Variants in GPHN observed in about 807,000 individuals in gnomAD.
GPHN encodes gephyrin.
Under a neutral mutation model 95.5 loss-of-function variants are expected in GPHN, and 17 were observed. The observed-to-expected ratio is 0.18, with a 90% CI of 0.12 to 0.27. The LOEUF (loss-of-function observed/expected upper bound fraction) is 0.27. Ranked by LOEUF, GPHN falls within the 10% of genes least tolerant of loss-of-function variation. The probability of loss-of-function intolerance (pLI) is 1.00; values close to 1 mark genes in which losing one functional copy is unlikely to be tolerated. For missense variants in GPHN, 660 were observed against 978.1 expected (o/e 0.67, Z 4.34); for synonymous variants, 320 against 322.5 (o/e 0.99, Z 0.08).
chr14:67,563,263 T>C, the GPHN span, among the ~76,000 whole-genome samples: 1 of 152,242 alleles, frequency 6.6e-6, no homozygotes, highest in African/African-American at 2.4e-5. Context: ...TACGTGACCT[T>C]GGACATGTTA....
At chr14:67,071,856 C>T (rs1019163697) in intron 11 of GPHN, among the ~76,000 whole-genome samples, 2 of 151,902 alleles carry the variant, frequency 1.3e-5, no homozygotes, top group Admixed American at 1.3e-4. Flanking sequence ...AAGCACATTA[C>T]AAATATATCT....
At chr14:66,885,117 T>C (rs2064123548) in intron 5 of GPHN, among the ~76,000 whole-genome samples, 2 of 152,112 alleles carry the variant, frequency 1.3e-5, no homozygotes, top group Admixed American at 6.6e-5. Flanking sequence ...ATTTAGATAA[T>C]ATTAAAGTAA....
chr14:67,403,278 G>A, the GPHN span, among the ~76,000 whole-genome samples: 1 of 152,144 alleles, frequency 6.6e-6, no homozygotes, highest in African/African-American at 2.4e-5. Context: ...ATGTTTGGTG[G>A]TAGTCAAACA....
chr14:66,556,956 T>A (rs1421662008), intron 1 of GPHN, among the ~76,000 whole-genome samples: 1 of 152,022 alleles, frequency 6.6e-6, no homozygotes, highest in African/African-American at 2.4e-5. Flanking sequence ...TTCCTGAACT[T>A]TGGGAGCCAA....
At chr14:66,890,736 A>G (rs1319737025) in intron 5 of GPHN, among the ~76,000 whole-genome samples, 1 of 152,146 alleles carries the variant, frequency 6.6e-6, no homozygotes, top group African/African-American at 2.4e-5. Context: ...AGGTGACCCT[A>G]GAATACAAGG....
the GPHN span, among the ~76,000 whole-genome samples, chr14:67,673,177 T>C: frequency 9.3e-4 from 141 of 152,252 alleles, 1 homozygote; most frequent in African/African-American, 1.9e-3. Context: ...ACCCTGTCTC[T>C]ACTAAAAATA....
chr14:67,573,194 A>G, the GPHN span: 16 of 824,502 alleles, frequency 1.9e-5, no homozygotes, highest in African/African-American at 2.3e-4. The surrounding 1 kb of genome is among the most constrained non-coding windows in gnomAD (Gnocchi z 4.8). Flanking sequence ...GTAGTGAGGC[A>G]GCTGGACCAC....
intron 10 of GPHN, among the ~76,000 whole-genome samples, chr14:67,046,497 A>G (rs1206495233): frequency 1.3e-5 from 2 of 152,172 alleles, no homozygotes; most frequent in South Asian, 2.1e-4. Context: ...GGTTTTATAT[A>G]CTATTCTAAG....
chr14:66,823,517 C>A (rs2061281257), intron 3 of GPHN, among the ~76,000 whole-genome samples: 1 of 152,094 alleles, frequency 6.6e-6, no homozygotes, highest in Non-Finnish European at 1.5e-5. Context: ...TTTAGATGGG[C>A]TCTCAGTTAT....
intron 10 of GPHN, among the ~76,000 whole-genome samples, chr14:67,027,317 G>A (rs908702071): frequency 2.6e-5 from 4 of 152,112 alleles, no homozygotes; most frequent in African/African-American, 9.7e-5. Context: ...CTGTAGGACA[G>A]CGTTTTAATA....
chr14:67,026,058 A>G (rs1387616239), intron 10 of GPHN, among the ~76,000 whole-genome samples: 1 of 152,112 alleles, frequency 6.6e-6, no homozygotes, highest in Non-Finnish European at 1.5e-5. Context: ...TTGAAGTGAC[A>G]TTTTTCCTTT....
intron 2 of GPHN, among the ~76,000 whole-genome samples, chr14:66,698,129 C>T (rs1050974263): frequency 5.9e-5 from 9 of 151,994 alleles, no homozygotes; most frequent in Non-Finnish European, 8.8e-5. Context: ...AATAATAATA[C>T]ATTATACAGA....
intron 10 of GPHN, among the ~76,000 whole-genome samples, chr14:67,045,443 C>T (rs61990860): frequency 1.3e-5 from 2 of 150,270 alleles, no homozygotes; most frequent in Non-Finnish European, 3.0e-5. Context: ...CTTTGTCTCT[C>T]TCTGTCTCTG....
At chr14:67,172,164 G>T (rs947264760) in intron 21 of GPHN, among the ~76,000 whole-genome samples, 2 of 152,074 alleles carry the variant, frequency 1.3e-5, no homozygotes, top group Non-Finnish European at 2.9e-5. Flanking sequence ...CAACACTGTG[G>T]CCTAACATCC....
At chr14:67,600,216 C>T in the GPHN span, 2 of 1,557,866 alleles carry the variant, frequency 1.3e-6, no homozygotes, top group African/African-American at 2.7e-5. Context: ...CGCCCCCACT[C>T]GGCCGCCCGC....
Position 66,873,287 on chromosome 14 carries a change from G to A in GPHN, c.295-6652G>A, listed in dbSNP as rs186337554. ...AAACCGCAGACCAGGAGATTCCCTC[G>A]GGTGCCCACACCACCAGGACCCTGG... On this transcript the variant is annotated intron_variant, in intron 4 of 22. Coordinates refer to ENST00000478722, the MANE Select transcript of GPHN (RefSeq NM_020806.5). Among the ~76,000 whole-genome samples the A allele has an allele frequency of 1.2e-4, 19 of 152,284 alleles. 1 individual carries two copies. The East Asian group carries it at 2.9e-3, about 23-fold the overall frequency.
intron 4 of GPHN, among the ~76,000 whole-genome samples, chr14:66,840,968 T>C (rs2062051230): frequency 7.4e-6 from 1 of 135,616 alleles, no homozygotes; most frequent in South Asian, 2.4e-4. Flanking sequence ...TAAAGCCTAC[T>C]AGATAGATAT....
intron 8 of GPHN, among the ~76,000 whole-genome samples, chr14:66,926,855 T>C (rs1447450682): frequency 6.6e-6 from 1 of 152,230 alleles, no homozygotes; most frequent in African/African-American, 2.4e-5. Flanking sequence ...TTTAACGATA[T>C]TGATTCTTCC....
chr14:67,134,953 C>CTTCTTTTTT (rs573340363), intron 17 of GPHN, among the ~76,000 whole-genome samples: 16 of 45,252 alleles, frequency 3.5e-4, no homozygotes, highest in South Asian at 6.7e-4. Flanking sequence ...TTTCTTTCTT[C>CTTCTTTTTT]TTTTTTTTTT....
Sources: gnomAD v4.1 joint callset for allele counts (sites outside exome capture counted in the v4.1 genomes callset) on GRCh38, gnomAD v4.1.1 for gene constraint, Gnocchi (gnomAD v3.1) non-coding constraint, MANE v1.5 for transcripts, NCBI Gene and HGNC (gene_info 2026-07-23, HGNC 2026-07-21) for gene names.